Variants in CACNA2D3 observed in about 807,000 individuals in gnomAD.
The protein encoded by CACNA2D3 is calcium voltage-gated channel auxiliary subunit alpha2delta 3, also known as voltage-dependent calcium channel subunit alpha-2/delta-3.
In CACNA2D3, 60 loss-of-function variants were observed where a neutral mutation model predicts 160.6. The observed-to-expected ratio is 0.37, with a 90% CI of 0.30 to 0.46. The LOEUF (loss-of-function observed/expected upper bound fraction) is 0.46. Ranked by LOEUF, CACNA2D3 falls within the 20% of genes least tolerant of loss-of-function variation. The pLI, the probability that CACNA2D3 is intolerant of heterozygous loss-of-function variation, is 1.00. For missense variants in CACNA2D3, 1,205 were observed against 1,365.0 expected (o/e 0.88, Z 1.85); for synonymous variants, 558 against 492.9 (o/e 1.13, Z -1.75).
intron 5 of CACNA2D3, among the ~76,000 whole-genome samples, chr3:54,506,352 C>T (rs751150622): frequency 6.8e-4 from 104 of 152,302 alleles, no homozygotes; most frequent in Non-Finnish European, 1.2e-3. Flanking sequence ...AGGTCATTCT[C>T]TCCTAGCTGC....
At chr3:54,485,144 T>C (rs6445674) in intron 4 of CACNA2D3, among the ~76,000 whole-genome samples, 147,773 of 152,264 alleles carry the variant, frequency 0.97, 71,757 homozygotes, top group Middle Eastern at 0.99. Context: ...CGTGCCCAGC[T>C]CACCTAGGTA....
chr3:54,186,461 G>C (rs572874535), intron 2 of CACNA2D3, among the ~76,000 whole-genome samples: 1 of 152,234 alleles, frequency 6.6e-6, no homozygotes, highest in African/African-American at 2.4e-5. Flanking sequence ...GAAAAGCTGG[G>C]TGAAAATGAT....
chr3:54,272,444 GC>G (rs1415536041), intron 2 of CACNA2D3, among the ~76,000 whole-genome samples: 1 of 152,086 alleles, frequency 6.6e-6, no homozygotes, highest in Admixed American at 6.5e-5. Context: ...CATCAAATGT[GC>G]TGGTTGTGGG....
intron 4 of CACNA2D3, among the ~76,000 whole-genome samples, chr3:54,470,058 T>C (rs1700702384): frequency 6.6e-6 from 1 of 152,114 alleles, no homozygotes; most frequent in African/African-American, 2.4e-5. Context: ...AGGCTAACAT[T>C]CAAATTTAGG....
At chr3:54,525,918 T>C (rs113624364) in intron 5 of CACNA2D3, among the ~76,000 whole-genome samples, 386 of 152,188 alleles carry the variant, frequency 2.5e-3, no homozygotes, top group African/African-American at 8.9e-3. Context: ...TATCCTTCAA[T>C]ATCTTTTTCT....
At chr3:54,277,807 G>A (rs1396698889) in intron 2 of CACNA2D3, among the ~76,000 whole-genome samples, 1 of 152,140 alleles carries the variant, frequency 6.6e-6, no homozygotes, top group Admixed American at 6.5e-5. Context: ...GTTTCCTTGA[G>A]CAGTGGTTTG....
chr3:54,485,630 C>A (rs1348811649), intron 4 of CACNA2D3, among the ~76,000 whole-genome samples: 5 of 150,656 alleles, frequency 3.3e-5, no homozygotes, highest in Non-Finnish European at 7.4e-5. Flanking sequence ...GTTGTGTGAT[C>A]TTGGCTCATT....
chr3:54,320,268 C>A (rs1194146691), intron 2 of CACNA2D3, among the ~76,000 whole-genome samples, 174 bp from the exon 3 acceptor site: 1 of 152,194 alleles, frequency 6.6e-6, no homozygotes, highest in Non-Finnish European at 1.5e-5. Flanking sequence ...TTTCATGCTT[C>A]TCCCTAGTTG....
chr3:54,665,826 C>T (rs1047261071), intron 11 of CACNA2D3, among the ~76,000 whole-genome samples: 3 of 151,264 alleles, frequency 2.0e-5, no homozygotes, highest in Non-Finnish European at 2.9e-5. Context: ...TTTGCTCTGC[C>T]ACCCAGGTTC....
At chr3:55,013,080 C>T (rs553913012) in intron 34 of CACNA2D3, among the ~76,000 whole-genome samples, 1 of 152,310 alleles carries the variant, frequency 6.6e-6, no homozygotes, top group East Asian at 1.9e-4. Context: ...ACCTCCTTTC[C>T]ACAGACTACA....
At chr3:54,758,686 G>A (rs1198652269) in intron 12 of CACNA2D3, among the ~76,000 whole-genome samples, 1 of 152,200 alleles carries the variant, frequency 6.6e-6, no homozygotes, top group Non-Finnish European at 1.5e-5. Context: ...AACCAGGGAA[G>A]CCACAGCATC....
intron 31 of CACNA2D3, among the ~76,000 whole-genome samples, chr3:54,988,812 G>GA (rs893745551): frequency 1.3e-4 from 20 of 148,888 alleles, no homozygotes; most frequent in South Asian, 4.2e-4. Flanking sequence ...CAGAAGGGAA[G>GA]AAAAAAAAAA....
intron 2 of CACNA2D3, among the ~76,000 whole-genome samples, chr3:54,269,817 T>C (rs1410710476): frequency 5.3e-5 from 8 of 152,380 alleles, no homozygotes; most frequent in South Asian, 2.1e-4. Flanking sequence ...TTTTGTTGTT[T>C]GTTTGTTTCA....
chr3:54,807,253 C>G (rs1185812220), intron 13 of CACNA2D3, among the ~76,000 whole-genome samples: 1 of 152,164 alleles, frequency 6.6e-6, no homozygotes, highest in Non-Finnish European at 1.5e-5. Flanking sequence ...AAACTACCAT[C>G]AGAGTGAACA....
At chr3:54,790,468 G>A (rs974579012) in intron 13 of CACNA2D3, among the ~76,000 whole-genome samples, 3 of 152,180 alleles carry the variant, frequency 2.0e-5, no homozygotes, top group African/African-American at 7.2e-5. Flanking sequence ...ATAACACAAT[G>A]GGGGTAAGGG....
intron 11 of CACNA2D3, among the ~76,000 whole-genome samples, chr3:54,736,421 C>T (rs1250086314): frequency 6.6e-6 from 1 of 151,816 alleles, no homozygotes; most frequent in Non-Finnish European, 1.5e-5. Context: ...ATGATTGTTT[C>T]CTTGTGTTGA....
intron 4 of CACNA2D3, among the ~76,000 whole-genome samples, chr3:54,461,469 A>T (rs899270183): frequency 1.3e-5 from 2 of 151,412 alleles, no homozygotes; most frequent in African/African-American, 4.9e-5. Flanking sequence ...TTATTGGTCT[A>T]TTCAGAGATT....
intron 3 of CACNA2D3, among the ~76,000 whole-genome samples, chr3:54,384,710 G>T (rs995014255): frequency 3.3e-5 from 5 of 151,978 alleles, no homozygotes; most frequent in African/African-American, 1.2e-4. Context: ...TTTTAGGTAG[G>T]AATACATAAG....
At chr3:54,900,842 T>C (rs1033111692) in intron 27 of CACNA2D3, among the ~76,000 whole-genome samples, 4 of 152,226 alleles carry the variant, frequency 2.6e-5, no homozygotes, top group Non-Finnish European at 4.4e-5. Flanking sequence ...ATACTGCTTT[T>C]TTCCCCCCAC....
Sources: gnomAD v4.1 joint callset for allele counts (sites outside exome capture counted in the v4.1 genomes callset) on GRCh38, gnomAD v4.1.1 for gene constraint, MANE v1.5 for transcripts, NCBI Gene and HGNC (gene_info 2026-07-23, HGNC 2026-07-21) for gene names.